CPNE4: variants seen among roughly 807,000 people sequenced by gnomAD.
CPNE4 encodes copine 4.
In CPNE4, 25 loss-of-function variants were observed where a neutral mutation model predicts 67.9. The ratio of observed to expected loss-of-function variants is 0.37; its 90% CI spans 0.27 to 0.51. The LOEUF is 0.51. Ranked by LOEUF, CPNE4 falls within the 20% of genes least tolerant of loss-of-function variation. CPNE4 has a pLI of 0.93. For synonymous variants in CPNE4, 242 were observed against 244.9 expected (o/e 0.99, Z 0.11); for missense variants, 464 against 690.8 (o/e 0.67, Z 3.68).
rs149396314 is a variant in CPNE4, at chr3:132,009,277, G to T, written c.-2+25290C>A. On this transcript the variant is annotated intron_variant, in intron 1 of 15. Coordinates refer to ENST00000429747, the MANE Select transcript of CPNE4 (RefSeq NM_130808.3). Reference sequence around the variant, plus strand: ...TTCCCACAAAGCCTTGGTCTATGTGGAGTCAAGATCCCTGAGGAACCTCTG... The same window carrying T: ...TTCCCACAAAGCCTTGGTCTATGTGTAGTCAAGATCCCTGAGGAACCTCTG... Among the ~76,000 whole-genome samples, 157 of 152,292 alleles carry T rather than the reference G, an allele frequency of 1.0e-3. 2 individuals are homozygous for T. The East Asian group carries it at 0.029, about 28-fold the overall frequency.
chr3:131,760,622 G>T (rs2082862644), intron 2 of CPNE4, among the ~76,000 whole-genome samples: 1 of 152,034 alleles, frequency 6.6e-6, no homozygotes, highest in African/African-American at 2.4e-5. Flanking sequence ...ATGGTACAGG[G>T]TACACACCCA....
intron 2 of CPNE4, among the ~76,000 whole-genome samples, chr3:131,815,205 A>C (rs1312917207): frequency 1.3e-5 from 2 of 152,236 alleles, no homozygotes; most frequent in South Asian, 4.1e-4. Context: ...ATCACTAGAT[A>C]TTTTAAAGAA....
rs557525269 is a variant in CPNE4 at position 131,730,487 on chromosome 3, T to C, written c.181-6862A>G. ...ACTATGTCATTTGTTATAGGTTGAG[T>C]TTTATCCCTCAAAATTCATATACCA... On this transcript the variant is annotated intron_variant, in intron 2 of 15. Coordinates refer to ENST00000429747, the MANE Select transcript of CPNE4 (RefSeq NM_130808.3). Among the ~76,000 whole-genome samples, 3 of 152,290 alleles carry C rather than the reference T, an allele frequency of 2.0e-5. No individual in the cohort carries two copies. The East Asian group carries it at 5.8e-4, about 29-fold the overall frequency.
intron 2 of CPNE4, among the ~76,000 whole-genome samples, chr3:131,759,592 C>T (rs189828721): frequency 6.9e-6 from 1 of 144,250 alleles, no homozygotes; most frequent in East Asian, 2.1e-4. Flanking sequence ...CAGATCCCAA[C>T]GAAGTCATCT....
At chr3:131,839,264 T>C (rs990537919) in intron 2 of CPNE4, among the ~76,000 whole-genome samples, 1 of 151,860 alleles carries the variant, frequency 6.6e-6, no homozygotes, top group Non-Finnish European at 1.5e-5. Context: ...ACCTACATTA[T>C]AGAGAATAAG....
At chr3:131,781,417 C>T (rs374135718) in intron 2 of CPNE4, among the ~76,000 whole-genome samples, 7 of 152,148 alleles carry the variant, frequency 4.6e-5, no homozygotes, top group African/African-American at 1.7e-4. Flanking sequence ...AATTTTATTC[C>T]AGTCATTTGA....
At chr3:132,025,516 T>A (rs138811183) in intron 1 of CPNE4, among the ~76,000 whole-genome samples, 1 of 152,182 alleles carries the variant, frequency 6.6e-6, no homozygotes, top group Non-Finnish European at 1.5e-5. Context: ...TCAGTAGCTA[T>A]GAAAAGCATA....
chr3:131,721,508 G>A (rs2081886910), intron 3 of CPNE4, among the ~76,000 whole-genome samples: 1 of 149,668 alleles, frequency 6.7e-6, no homozygotes, highest in Admixed American at 6.7e-5. Context: ...CCATCCTCCT[G>A]CCTCAGCCTC....
intron 2 of CPNE4, among the ~76,000 whole-genome samples, chr3:131,841,168 A>C (rs1430186378): frequency 6.6e-6 from 1 of 152,240 alleles, no homozygotes; most frequent in East Asian, 1.9e-4. Context: ...AAAAAAGGAT[A>C]GGGAATCAAT....
intron 1 of CPNE4, among the ~76,000 whole-genome samples, chr3:131,979,608 T>C (rs1583553239): frequency 6.6e-6 from 1 of 152,180 alleles, no homozygotes; most frequent in Admixed American, 6.5e-5. Flanking sequence ...AGGCAGCAGA[T>C]GGTTGGTTCG....
intron 7 of CPNE4, among the ~76,000 whole-genome samples, chr3:131,619,607 A>G (rs1448132726): frequency 2.0e-5 from 3 of 152,316 alleles, no homozygotes; most frequent in Non-Finnish European, 4.4e-5. Context: ...ATTGGCTTGA[A>G]AAATGTTTGT....
chr3:131,742,718 A>G (rs1191446676), intron 2 of CPNE4, among the ~76,000 whole-genome samples: 3 of 152,178 alleles, frequency 2.0e-5, no homozygotes, highest in Admixed American at 2.0e-4. Context: ...TTAAAAAGTG[A>G]CCAAAAATCC....
At chr3:131,810,493 G>C (rs1049516830) in intron 2 of CPNE4, among the ~76,000 whole-genome samples, 2 of 151,918 alleles carry the variant, frequency 1.3e-5, no homozygotes, top group Non-Finnish European at 2.9e-5. Context: ...CCTCACACCT[G>C]TTAGGAAGGC....
At chr3:131,648,740 AGAAT>A (rs1560044360) in intron 7 of CPNE4, among the ~76,000 whole-genome samples, 1 of 152,244 alleles carries the variant, frequency 6.6e-6, no homozygotes, top group African/African-American at 2.4e-5. Context: ...TAAGATTTGT[AGAAT>A]GAATGAGTGA....
chr3:131,555,414 G>T, intron 12 of CPNE4, 83 bp downstream of exon 12: 2 of 1,191,256 alleles, frequency 1.7e-6, no homozygotes, highest in Non-Finnish European at 2.5e-6. Flanking sequence ...TCAGAGTCAG[G>T]AGTGTGAGAC....
At chr3:131,811,974 G>A (rs931455672) in intron 2 of CPNE4, among the ~76,000 whole-genome samples, 2 of 152,120 alleles carry the variant, frequency 1.3e-5, no homozygotes, top group African/African-American at 4.8e-5. Context: ...CTATTGCAGG[G>A]TATTGCTTGA....
At chr3:131,995,959 T>C (rs1309545963) in intron 1 of CPNE4, among the ~76,000 whole-genome samples, 1 of 152,200 alleles carries the variant, frequency 6.6e-6, no homozygotes, top group Non-Finnish European at 1.5e-5. Flanking sequence ...TCTATCACTA[T>C]CACATGCATC....
intron 2 of CPNE4, among the ~76,000 whole-genome samples, chr3:131,898,465 T>G (rs1173293548): frequency 1.3e-5 from 2 of 152,118 alleles, no homozygotes; most frequent in African/African-American, 4.8e-5. Context: ...TGAAATTATC[T>G]TCAGGGCATA....
chr3:131,740,134 G>T (rs891656920), intron 2 of CPNE4, among the ~76,000 whole-genome samples: 1 of 152,126 alleles, frequency 6.6e-6, no homozygotes, highest in African/African-American at 2.4e-5. Flanking sequence ...AGGCACTAAG[G>T]CTCAAACTGT....
Sources: allele counts gnomAD v4.1 joint callset (sites outside exome capture counted in the v4.1 genomes callset), GRCh38; gene constraint gnomAD v4.1.1; transcripts MANE v1.5; gene names NCBI Gene and HGNC (gene_info 2026-07-23, HGNC 2026-07-21).